Variants in RASA2 observed in about 807,000 individuals in gnomAD.
The protein encoded by RASA2 is ras GTPase-activating protein 2.
Under a neutral mutation model 118.2 loss-of-function variants are expected in RASA2, and 155 were observed. That is an observed-to-expected ratio of 1.31 (90% CI 1.15 to 1.50). The LOEUF (loss-of-function observed/expected upper bound fraction) is 1.50. RASA2 is among the 40% of genes most tolerant of loss of function. The pLI, the probability that RASA2 is intolerant of heterozygous loss-of-function variation, is 0.00. For synonymous variants in RASA2, 353 were observed against 349.1 expected (o/e 1.01, Z -0.12); for missense variants, 1,016 against 1,009.6 (o/e 1.01, Z -0.09).
At chr3:141,556,935 T>C (rs2082658722) in intron 7 of RASA2, among the ~76,000 whole-genome samples, 1 of 152,154 alleles carries the variant, frequency 6.6e-6, no homozygotes, top group Non-Finnish European at 1.5e-5. Context: ...TGTGAGACTT[T>C]TCCATTTCCT....
At chr3:141,542,801 C>T (rs2082424628) in intron 5 of RASA2, among the ~76,000 whole-genome samples, 1 of 151,956 alleles carries the variant, frequency 6.6e-6, no homozygotes, top group African/African-American at 2.4e-5. Context: ...TCTCTTCTAA[C>T]CCTTGGCAAC....
Position 141,567,451 on chromosome 3 carries a change from A to G in RASA2, c.864-3461A>G, listed in dbSNP as rs113044611. The stretch of plus-strand genomic sequence containing the variant: ...ATAATAATAATTCCAAACATTCTAC[A>G]TTCTTAGATAAAATATGTAATTTAT... On this transcript the variant is annotated intron_variant, in intron 9 of 23. Coordinates refer to ENST00000286364, the MANE Select transcript of RASA2 (RefSeq NM_006506.5). 8.6e-3 allele frequency among the ~76,000 whole-genome samples: 1,305 copies of G among 152,178 alleles called. 22 individuals carry two copies. Among genetic ancestry groups the G allele is most frequent in the African/African-American group, 0.025 (1,049 of 41,530 alleles).
intron 4 of RASA2, among the ~76,000 whole-genome samples, chr3:141,534,831 A>G (rs2082306177): frequency 6.6e-6 from 1 of 152,126 alleles, no homozygotes; most frequent in Non-Finnish European, 1.5e-5. Context: ...TAAGGAGAAA[A>G]CAACACCTTC....
At chr3:141,600,167 A>T in intron 19 of RASA2, 1 of 316,052 alleles carries the variant, frequency 3.2e-6, no homozygotes. Context: ...CTCCAAACAC[A>T]TGAATCGGTT....
At chr3:141,505,827 G>A (rs1476087299) in intron 1 of RASA2, among the ~76,000 whole-genome samples, 2 of 151,968 alleles carry the variant, frequency 1.3e-5, no homozygotes, top group Admixed American at 1.3e-4. Flanking sequence ...ACATTGTGAA[G>A]GTTGAGTATC....
intron 19 of RASA2, among the ~76,000 whole-genome samples, chr3:141,593,809 C>T (rs2083321970): frequency 6.6e-6 from 1 of 152,148 alleles, no homozygotes; most frequent in African/African-American, 2.4e-5. Context: ...ATAAAACCAA[C>T]CCTCACGATA....
rs549791152 is a variant in RASA2, at chr3:141,610,309, A to G, written c.2519+243A>G. On this transcript the variant is annotated intron_variant, in intron 23 of 23. Transcript: ENST00000286364. ...ATTTCATATATATGTATATGAAATTATATATGATATATGTATATAAATATA... is the reference window on the plus strand; with the variant it reads ...ATTTCATATATATGTATATGAAATTGTATATGATATATGTATATAAATATA... Among the ~76,000 whole-genome samples, 6 of 143,112 alleles carry G rather than the reference A, an allele frequency of 4.2e-5. No homozygotes were observed. In the South Asian group the frequency reaches 1.3e-3, roughly 30 times the overall value. 93.9% of individuals were successfully genotyped at this position (143,112 alleles called of 152,430 possible). A position where few individuals can be genotyped will look rare whatever the true frequency, so the allele number is the denominator to read the frequency against.
chr3:141,504,980 C>T (rs996678449), intron 1 of RASA2, among the ~76,000 whole-genome samples: 2 of 152,146 alleles, frequency 1.3e-5, no homozygotes, highest in Non-Finnish European at 2.9e-5. Flanking sequence ...ATGGCTTATA[C>T]CCTCAATGAC....
intron 11 of RASA2, among the ~76,000 whole-genome samples, chr3:141,572,403 A>G (rs1024077784): frequency 6.6e-6 from 1 of 152,092 alleles, no homozygotes; most frequent in Non-Finnish European, 1.5e-5. Flanking sequence ...TTATTTTAAT[A>G]TATTTTTGGT....
chr3:141,595,632 CTTTTTCT>C (rs2083354302), intron 19 of RASA2, among the ~76,000 whole-genome samples: 1 of 150,610 alleles, frequency 6.6e-6, no homozygotes, highest in East Asian at 1.9e-4. Flanking sequence ...TTTCTTTTTT[CTTTTTCT>C]TTTTTCTTTT....
In RASA2 at chr3:141,603,099, T is replaced by C. The variant is rs148633196; in HGVS notation, c.1934-4579T>C. On this transcript the variant is annotated intron_variant, in intron 19 of 23. Transcript: ENST00000286364. ...ATGCGGTTTTTCATGAGTAAACTTA[T>C]CACCGTTGGTTGTTTTCCCGTGCCC... Among the ~76,000 whole-genome samples the C allele has an allele frequency of 3.7e-3, 564 of 152,340 alleles. 4 individuals are homozygous for C. Among genetic ancestry groups the C allele is most frequent in the Middle Eastern group, 0.01 (3 of 294 alleles).
At chr3:141,573,106 T>C in intron 12 of RASA2, 41 bp from the exon 13 acceptor site, 1 of 1,474,064 alleles carries the variant, frequency 6.8e-7, no homozygotes. Context: ...TTTGTCAGAC[T>C]ACTTAGAAAA....
At chr3:141,565,413 A>C (rs1017436533) in intron 9 of RASA2, among the ~76,000 whole-genome samples, 1 of 152,282 alleles carries the variant, frequency 6.6e-6, no homozygotes, top group Admixed American at 6.5e-5. Context: ...AACCAGCTAA[A>C]CTTCCTGATG....
At chr3:141,571,181 TATAC>T (rs558049807) in intron 10 of RASA2, 113 bp downstream of exon 10, 2 of 1,159,606 alleles carry the variant, frequency 1.7e-6, no homozygotes, top group Non-Finnish European at 2.4e-6. Flanking sequence ...GTAAAAATTA[TATAC>T]ATACATATAT....
At chr3:141,532,606 G>A (rs953566819) in intron 4 of RASA2, among the ~76,000 whole-genome samples, 6 of 152,102 alleles carry the variant, frequency 3.9e-5, no homozygotes, top group African/African-American at 1.2e-4. Flanking sequence ...AAATTTTTGC[G>A]TAAGTTACAA....
At chr3:141,572,031 TATATATATATATATA>T (rs2082929958) in intron 11 of RASA2, among the ~76,000 whole-genome samples, 1 of 25,934 alleles carries the variant, frequency 3.9e-5, no homozygotes, top group South Asian at 1.5e-3. Flanking sequence ...TAAAAAAACA[TATATATATATATATA>T]TATATATATA....
chr3:141,499,168 T>C (rs1041879122), intron 1 of RASA2, among the ~76,000 whole-genome samples: 1 of 152,084 alleles, frequency 6.6e-6, no homozygotes, highest in South Asian at 2.1e-4. Flanking sequence ...TGTATGATAG[T>C]TATTGTGCAC....
chr3:141,572,642 G>A lies in RASA2; in HGVS notation c.1203G>A (p.Leu401=), dbSNP rs748400230. 2.5e-6 allele frequency: 4 copies of A among 1,613,550 alleles called. No homozygotes were observed. The highest frequency in any genetic ancestry group is 1.1e-5 in the South Asian group (1 of 91,060). The change falls in exon 12 of 24, where the codon CTG becomes CTA. Residue 401 remains leucine, a synonymous_variant. Coordinates refer to ENST00000286364, the MANE Select transcript of RASA2 (RefSeq NM_006506.5). ...DANTIFRGNS[L]ATRCLDEMMK... ...ACACAATTTTTAGAGGAAATTCCCT[G>A]GCTACCCGATGTCTGGATGAGATGA...
chr3:141,572,623 T>C lies in RASA2; in HGVS notation c.1184T>C (p.Ile395Thr). 1 of 1,613,130 alleles carries C rather than the reference T, an allele frequency of 6.2e-7. No individual in the cohort carries two copies. Among genetic ancestry groups the C allele is most frequent in the Non-Finnish European group, 8.5e-7 (1 of 1,179,292 alleles). ...TTCTATTTCAGAGATGCAAACACAA[T>C]TTTTAGAGGAAATTCCCTGGCTACC... ...DLKDTQDANT[I>T]FRGNSLATRC... The change falls in exon 12 of 24, where the codon ATT (isoleucine) becomes ACT (threonine). Residue 395 changes from isoleucine (I) to threonine (T), a missense_variant. Physicochemically the swap from Ile to Thr is moderately conservative, Grantham distance 89. Coordinates refer to ENST00000286364, the MANE Select transcript of RASA2 (RefSeq NM_006506.5).
Sources: gnomAD v4.1 joint callset for allele counts (sites outside exome capture counted in the v4.1 genomes callset) on GRCh38, gnomAD v4.1.1 for gene constraint, MANE v1.5 for transcripts, NCBI Gene and HGNC (gene_info 2026-07-23, HGNC 2026-07-21) for gene names.